The following KIF1B variants were observed in gnomAD, a reference collection of about 807,000 sequenced individuals.
KIF1B encodes kinesin-like protein KIF1B.
Under a neutral mutation model 241.9 loss-of-function variants are expected in KIF1B, and 76 were observed. The observed-to-expected ratio is 0.31, with a 90% CI of 0.26 to 0.38. The LOEUF (loss-of-function observed/expected upper bound fraction) is 0.38. Ranked by LOEUF, KIF1B falls within the 10% of genes least tolerant of loss-of-function variation. KIF1B has a pLI of 1.00. For synonymous variants in KIF1B, 750 were observed against 796.7 expected (o/e 0.94, Z 0.99); for missense variants, 1,622 against 2,271.4 (o/e 0.71, Z 5.81).
chr1:10,311,994 C>T (rs1204648246), intron 22 of KIF1B, among the ~76,000 whole-genome samples: 1 of 151,460 alleles, frequency 6.6e-6, no homozygotes, highest in Admixed American at 6.6e-5. Flanking sequence ...AACACGGCTA[C>T]TCAGCGGGAG....
intron 1 of KIF1B, among the ~76,000 whole-genome samples, chr1:10,228,454 C>T (rs1237512653): frequency 1.3e-5 from 2 of 152,042 alleles, no homozygotes; most frequent in Non-Finnish European, 2.9e-5. Flanking sequence ...AACAAGAGAA[C>T]GTTCTTGCTA....
chr1:10,366,760 C>G (rs1454051214), intron 43 of KIF1B, among the ~76,000 whole-genome samples: 2 of 152,158 alleles, frequency 1.3e-5, no homozygotes, highest in Non-Finnish European at 2.9e-5. Flanking sequence ...ATCACAAGGT[C>G]AGGAGATTGA....
At chr1:10,252,247 C>T (rs547074535) in intron 2 of KIF1B, among the ~76,000 whole-genome samples, 10 of 152,122 alleles carry the variant, frequency 6.6e-5, no homozygotes, top group African/African-American at 2.4e-4. Flanking sequence ...ACCACGTTGG[C>T]CAGGCTGGTC....
At chr1:10,290,127 T>TTTAAA (rs1171364259) in intron 15 of KIF1B, among the ~76,000 whole-genome samples, 1 of 152,140 alleles carries the variant, frequency 6.6e-6, no homozygotes, top group Non-Finnish European at 1.5e-5. Flanking sequence ...TTTCGTTCTT[T>TTTAAA]TTAAATTAAA....
chr1:10,226,402 G>GT (rs1316652366), intron 1 of KIF1B, among the ~76,000 whole-genome samples: 1 of 152,138 alleles, frequency 6.6e-6, no homozygotes, highest in African/African-American at 2.4e-5. Flanking sequence ...AGATGTTAAT[G>GT]TTTTGGTTCA....
Position 10,303,103 on chromosome 1 carries a change from C to G in KIF1B, c.2115+5857C>G, listed in dbSNP as rs1300131761. The G allele has an allele frequency of 3.2e-6, 5 of 1,546,818 alleles. No individual in the cohort carries two copies. The Admixed American group carries it at 1.0e-4, about 32-fold the overall frequency. ...TTGCTTTTTCTTCGATTTAATTTTC[C>G]TTTTTTACATTTTAATTTTGGTTAT... On this transcript the variant is annotated intron_variant, in intron 22 of 48. Transcript: ENST00000676179. This position sits in a 1 kb window ranked among gnomAD's most constrained non-coding sequence, Gnocchi z 5.2.
Position 10,375,043 on chromosome 1 carries a change from G to A in KIF1B, c.5286G>A (p.Val1762=), listed in dbSNP as rs1638844000. The A allele has an allele frequency of 1.9e-6, 3 of 1,613,982 alleles. No individual in the cohort carries two copies. The highest frequency in any genetic ancestry group is 1.3e-5 in the African/African-American group (1 of 74,922). ...VEYSEDQQAM[V]KTPNTFAVCT... is the part of the protein sequence containing the mutation. ...ACAGTGAGGACCAGCAGGCCATGGT[G>A]AAGGTCCGTCCTGCCCTGCCTTGGT... Residue 1762 remains valine, a synonymous_variant, in exon 47 of 49, where the codon GTG becomes GTA. Transcript: ENST00000676179.
intron 1 of KIF1B, among the ~76,000 whole-genome samples, chr1:10,222,428 C>T (rs532736354): frequency 3.7e-4 from 57 of 152,246 alleles, no homozygotes; most frequent in Non-Finnish European, 6.0e-4. Flanking sequence ...GAGGCTGTGG[C>T]AACCAACTGA....
chr1:10,330,740 T>C (rs548525232), intron 27 of KIF1B, among the ~76,000 whole-genome samples: 8 of 152,334 alleles, frequency 5.3e-5, no homozygotes, highest in Admixed American at 3.9e-4. Context: ...CAAATATTTA[T>C]AGAGTGGCCC....
chr1:10,304,743 T>G lies in KIF1B; in HGVS notation c.2115+7497T>G, dbSNP rs565534596. On this transcript the variant is annotated intron_variant, in intron 22 of 48. Coordinates refer to ENST00000676179, the MANE Select transcript of KIF1B (RefSeq NM_001365951.3). ...TCTACCTTTGGCCTTGAGTTCTTAT[T>G]ATTTACATTATAAATATTAACTGGT... 34 of 1,550,606 alleles carry G rather than the reference T, an allele frequency of 2.2e-5. No homozygotes were observed. In the African/African-American group the frequency reaches 4.4e-4, roughly 20 times the overall value.
At chr1:10,295,381 T>C (rs577777828) in intron 18 of KIF1B, among the ~76,000 whole-genome samples, 8 of 152,340 alleles carry the variant, frequency 5.3e-5, no homozygotes, top group African/African-American at 1.4e-4. Context: ...TAATTTTTTT[T>C]TCCTTTAACA....
Position 10,254,737 on chromosome 1 carries a change from C to T in KIF1B, c.107-1510C>T, listed in dbSNP as rs1478694841. Among the ~76,000 whole-genome samples, 4 of 151,586 alleles carry T rather than the reference C, an allele frequency of 2.6e-5. No individual in the cohort carries two copies. In the East Asian group the frequency reaches 5.8e-4, roughly 22 times the overall value. ...TAAAAATACAAAAAAATTAGCTGGG[C>T]GTGGTGGCGGGCGCCTGTAGTCCTA... On this transcript the variant is annotated intron_variant, in intron 2 of 48. Transcript: ENST00000676179.
chr1:10,377,039 TTC>T lies in KIF1B; in HGVS notation c.*456_*457del, dbSNP rs886044993. ...CAAGACAACATACTTTTTTTTTCTTTTCTCTGTTTGTGATATCACTTTAATTT... is the reference window on the plus strand; with the variant it reads ...CAAGACAACATACTTTTTTTTTCTTTTCTGTTTGTGATATCACTTTAATTT... On this transcript the variant is annotated 3_prime_UTR_variant, in exon 49 of 49. Coordinates refer to ENST00000676179, the MANE Select transcript of KIF1B (RefSeq NM_001365951.3). 62 of 258,188 alleles carry T rather than the reference TTC, an allele frequency of 2.4e-4. No individual in the cohort carries two copies. The highest frequency in any genetic ancestry group is 4.1e-4 in the Non-Finnish European group (54 of 130,794). 16.0% of individuals were successfully genotyped at this position (258,188 alleles called of 1,614,324 possible).
chr1:10,360,309 T>C (rs537426096), intron 38 of KIF1B, among the ~76,000 whole-genome samples: 38 of 152,280 alleles, frequency 2.5e-4, no homozygotes, highest in African/African-American at 8.4e-4. Context: ...TACTCACTTA[T>C]CCATTTCATC....
chr1:10,325,027 C>G, intron 26 of KIF1B, 132 bp downstream of exon 26: 3 of 901,622 alleles, frequency 3.3e-6, no homozygotes, highest in Non-Finnish European at 5.3e-6. Context: ...TAATCTTATC[C>G]ACTCACAACC....
chr1:10,306,760 A>T, intron 22 of KIF1B: 4 of 691,180 alleles, frequency 5.8e-6, no homozygotes, highest in Non-Finnish European at 7.2e-6. Flanking sequence ...CTGTCTTTAA[A>T]AAAAAAAAAA....
rs192598799 is a variant in KIF1B at position 10,368,447 on chromosome 1, C to T, written c.4753-20C>T. 6.2e-7 allele frequency: 1 copy of T among 1,608,068 alleles called. No individual in the cohort carries two copies. The stretch of plus-strand genomic sequence containing the variant: ...GTTGACATTTTATGTTCAGCTTGCA[C>T]TTCTCTTTCTCTTCTTTAGTGCCTG... On this transcript the variant is annotated intron_variant, in intron 43 of 48. Coordinates refer to ENST00000676179, the MANE Select transcript of KIF1B (RefSeq NM_001365951.3).
rs33994083 is a variant in KIF1B at position 10,313,548 on chromosome 1, A to ATTT, written c.2116-6477_2116-6475dup. Among the ~76,000 whole-genome samples the ATTT allele has an allele frequency of 2.6e-3, 310 of 121,392 alleles. 6 individuals carry two copies. The highest frequency in any genetic ancestry group is 3.0e-3 in the Non-Finnish European group (183 of 60,266). The allele number at this position is 121,392 out of a possible 152,430, so 79.6% of individuals were successfully genotyped here. On this transcript the variant is annotated intron_variant, in intron 22 of 48. Coordinates refer to ENST00000676179, the MANE Select transcript of KIF1B (RefSeq NM_001365951.3). Reference sequence around the variant, plus strand: ...TGGGGCATATTTTGAACTAGTTAGGATTTTTTTTTTTTTTTTTTTTGAGAT... The same window carrying ATTT: ...TGGGGCATATTTTGAACTAGTTAGGATTTTTTTTTTTTTTTTTTTTTTTGAGAT...
chr1:10,370,584 T>TAAGAAGAAGAAG (rs201667068), intron 44 of KIF1B, among the ~76,000 whole-genome samples: 1 of 134,980 alleles, frequency 7.4e-6, no homozygotes, highest in African/African-American at 2.9e-5. Context: ...ATAATAATAA[T>TAAGAAGAAGAAG]AATAATAATA....
Sources: allele counts gnomAD v4.1 joint callset (sites outside exome capture counted in the v4.1 genomes callset), GRCh38; gene constraint gnomAD v4.1.1; non-coding constraint Gnocchi (gnomAD v3.1); transcripts MANE v1.5; gene names NCBI Gene and HGNC (gene_info 2026-07-23, HGNC 2026-07-21).